MYO15A: variants seen among roughly 807,000 people sequenced by gnomAD.
MYO15A encodes the protein myosin XVA, also known as unconventional myosin-XV.
Under a neutral mutation model 394.6 loss-of-function variants are expected in MYO15A, and 308 were observed. The observed-to-expected ratio is 0.78, with a 90% CI of 0.71 to 0.86. The LOEUF (loss-of-function observed/expected upper bound fraction) is 0.86, where lower values mean the gene tolerates loss of function less well. Ranked by LOEUF, MYO15A falls within the 40% of genes least tolerant of loss-of-function variation. The pLI is 0.00. For synonymous variants in MYO15A, 1,957 were observed against 2,003.8 expected, an observed-to-expected ratio of 0.98 and a Z score of 0.62; for missense variants, 4,606 against 4,799.1, an observed-to-expected ratio of 0.96 and a Z score of 1.19.
chr17:18,144,778 C>G (rs1034741551), intron 29 of MYO15A, among the ~76,000 whole-genome samples, 186 bp downstream of exon 29: 1 of 141,376 alleles, frequency 7.1e-6, no homozygotes, highest in Non-Finnish European at 1.5e-5. Context: ...GGTGGCTTTT[C>G]TTCTCCCAGC....
At chr17:18,163,986 G>T in intron 60 of MYO15A, 148 bp downstream of exon 60, 1 of 785,280 alleles carries the variant, frequency 1.3e-6, no homozygotes, top group Admixed American at 2.0e-5. Flanking sequence ...GGATCTCTGT[G>T]TGTACCAAGC....
chr17:18,135,863 T>C, intron 13 of MYO15A, 39 bp downstream of exon 13: 1 of 1,566,528 alleles, frequency 6.4e-7, no homozygotes, highest in Non-Finnish European at 8.7e-7. Flanking sequence ...CAAAGCTTTC[T>C]ACCAGGGCCT....
intron 12 of MYO15A, among the ~76,000 whole-genome samples, chr17:18,135,146 A>T (rs139473715): frequency 6.6e-6 from 1 of 152,040 alleles, no homozygotes; most frequent in East Asian, 1.9e-4. Flanking sequence ...GATTACAGAC[A>T]TGAGCCACCG....
In MYO15A at chr17:18,166,540, C is replaced by T; in HGVS notation, c.9948+19C>T. 6.2e-7 allele frequency: 1 copy of T among 1,610,308 alleles called. No individual in the cohort carries two copies. The highest frequency in any genetic ancestry group is 8.5e-7 in the Non-Finnish European group (1 of 1,180,000). On this transcript the variant is annotated intron_variant, in intron 61 of 65. Coordinates refer to ENST00000647165, the MANE Select transcript of MYO15A (RefSeq NM_016239.4). ...CAACCAGGTCAGCACACGTAGGCTT[C>T]TCTGGACTCTGGGACCTTCTAGGCT...
In MYO15A at chr17:18,150,589, C is replaced by T. The variant is rs544057017; in HGVS notation, c.7327+46C>T. 2.7e-5 allele frequency: 44 copies of T among 1,612,112 alleles called. 1 individual carries two copies. The South Asian group carries it at 4.7e-4, about 17-fold the overall frequency. ...GTTCCAGGGTTGGGCAGGGCCAGAG[C>T]CACTTGCTGGTGTGCTAGAATGGAG... On this transcript the variant is annotated intron_variant, in intron 36 of 65. Transcript: ENST00000647165. This position sits in a 1 kb window ranked among gnomAD's most constrained non-coding sequence, Gnocchi z 4.4.
chr17:18,156,118 A>G (rs1016314759), intron 47 of MYO15A, 77 bp from the exon 48 acceptor site: 1 of 1,608,934 alleles, frequency 6.2e-7, no homozygotes, highest in Non-Finnish European at 8.5e-7. Flanking sequence ...GGGGCAGGAC[A>G]GGATCAGAAG....
chr17:18,131,019 C>G (rs986309566), intron 8 of MYO15A, among the ~76,000 whole-genome samples: 2 of 151,588 alleles, frequency 1.3e-5, no homozygotes, highest in Non-Finnish European at 2.9e-5. Context: ...AATGGGGAAG[C>G]ATGGGGCTTG....
rs774057633 is a variant in MYO15A, at chr17:18,140,619, G to T, written c.5314G>T (p.Ala1772Ser). ...GCTCTACAAGGCGCACACTGTGGCC[G>T]CCAAGTTCCAGCAGTCACTCCTGGA... ...TRLYKAHTVA[A>S]KFQQSLLDLV... Residue 1772 changes from alanine to serine, a missense_variant, in exon 20 of 66, where the codon GCC (alanine) becomes TCC (serine). This residue lies in a region of MYO15A where 2,776 missense variants were observed against 3,109.3 expected (regional missense o/e 0.89). Coordinates refer to ENST00000647165, the MANE Select transcript of MYO15A (RefSeq NM_016239.4). 1 of 1,613,658 alleles carries T rather than the reference G, an allele frequency of 6.2e-7. No individual in the cohort carries two copies. The highest frequency in any genetic ancestry group is 8.5e-7 in the Non-Finnish European group (1 of 1,180,044).
intron 28 of MYO15A, among the ~76,000 whole-genome samples, 175 bp from the exon 29 acceptor site, chr17:18,144,322 G>A (rs542202137): frequency 1.5e-4 from 22 of 149,730 alleles, no homozygotes; most frequent in Non-Finnish European, 3.0e-4. Flanking sequence ...CCCTACCACC[G>A]ACTTGCTGAG....
At chr17:18,130,835 T>C (rs779047520) in intron 8 of MYO15A, 25 bp downstream of exon 8, 16 of 1,466,534 alleles carry the variant, frequency 1.1e-5, no homozygotes, top group Non-Finnish European at 1.5e-5. Context: ...TGTGTGTGTG[T>C]GTGTGTGTGT....
intron 56 of MYO15A, 116 bp downstream of exon 56, chr17:18,160,133 C>T (rs1597813009): frequency 1.1e-6 from 1 of 944,528 alleles, no homozygotes; most frequent in Non-Finnish European, 1.7e-6. Flanking sequence ...TTCCTCTCAC[C>T]CTCATCCTCA....
At chr17:18,142,393 G>C (rs2046398743) in intron 24 of MYO15A, 139 bp downstream of exon 24, 1 of 1,073,512 alleles carries the variant, frequency 9.3e-7, no homozygotes, top group East Asian at 2.6e-5. Flanking sequence ...AGAATGATCA[G>C]ATTCTCTGTG....
At chr17:18,174,986 ACACCC>A (rs890817184) in intron 65 of MYO15A, among the ~76,000 whole-genome samples, 1 of 150,912 alleles carries the variant, frequency 6.6e-6, no homozygotes, top group African/African-American at 2.4e-5. Context: ...ACTCCTCACC[ACACCC>A]CAATCTGCTC....
At chr17:18,137,852 G>A in intron 16 of MYO15A, 173 bp downstream of exon 16, 1 of 907,804 alleles carries the variant, frequency 1.1e-6, no homozygotes. Context: ...GTTCTGGAGG[G>A]AAAGGTGCTG....
chr17:18,140,367 C>T, intron 19 of MYO15A, 150 bp from the exon 20 acceptor site: 2 of 1,093,070 alleles, frequency 1.8e-6, no homozygotes, highest in Non-Finnish European at 2.7e-6. Flanking sequence ...AGCATGCAAG[C>T]CAGGATGACA....
chr17:18,147,142 C>G lies in MYO15A; in HGVS notation c.6510-887C>G, dbSNP rs1201559136. Among the ~76,000 whole-genome samples, 1 of 152,226 alleles carries G rather than the reference C, an allele frequency of 6.6e-6. No homozygotes were observed. Among genetic ancestry groups the G allele is most frequent in the Non-Finnish European group, 1.5e-5 (1 of 68,034 alleles). ...CTGGGTGTGAATCTCAGCTCTGATACTTACCTGCTGTGTGGCCTGAGACAA... is the reference window on the plus strand; with the variant it reads ...CTGGGTGTGAATCTCAGCTCTGATAGTTACCTGCTGTGTGGCCTGAGACAA... On this transcript the variant is annotated intron_variant, in intron 30 of 65. Coordinates refer to ENST00000647165, the MANE Select transcript of MYO15A (RefSeq NM_016239.4). The surrounding 1 kb of genome is among the most constrained non-coding windows in gnomAD (Gnocchi z 4.4).
intron 8 of MYO15A, among the ~76,000 whole-genome samples, 162 bp downstream of exon 8, chr17:18,130,972 G>A (rs946589779): frequency 1.3e-5 from 2 of 151,894 alleles, no homozygotes; most frequent in Non-Finnish European, 2.9e-5. Context: ...GCTGGGGCTT[G>A]TGGTCAGGGG....
At chr17:18,116,165 T>C (rs1042984051) in intron 1 of MYO15A, among the ~76,000 whole-genome samples, 1 of 152,044 alleles carries the variant, frequency 6.6e-6, no homozygotes, top group African/African-American at 2.4e-5. Flanking sequence ...GGAATCCAGG[T>C]TGGGGTAGCG....
In MYO15A at chr17:18,132,319, C is replaced by A; in HGVS notation, c.4207-134C>A. The A allele has an allele frequency of 1.4e-6, 1 of 712,584 alleles. No individual in the cohort carries two copies. The allele number at this position is 712,584 out of a possible 1,614,324, so 44.1% of individuals were successfully genotyped here. On this transcript the variant is annotated intron_variant, in intron 10 of 65. Coordinates refer to ENST00000647165, the MANE Select transcript of MYO15A (RefSeq NM_016239.4). This position sits in a 1 kb window ranked among gnomAD's most constrained non-coding sequence, Gnocchi z 4.6. ...GCACCAGGCTGGGAGCCTCACCCAT[C>A]ACAGAGGCGCGTGTTCTCATCTGCA...
Sources: allele counts gnomAD v4.1 joint callset (sites outside exome capture counted in the v4.1 genomes callset), GRCh38; gene constraint gnomAD v4.1.1; regional missense constraint gnomAD v4.1.1; non-coding constraint Gnocchi (gnomAD v3.1); transcripts MANE v1.5; gene names NCBI Gene and HGNC (gene_info 2026-07-23, HGNC 2026-07-21).